Variants in PDGFRB observed in about 807,000 individuals in gnomAD.
PDGFRB encodes platelet derived growth factor receptor beta, also known as platelet-derived growth factor receptor beta.
PDGFRB carries 42 observed loss-of-function variants against 120.2 expected under a neutral mutation model. The observed-to-expected ratio is 0.35, with a 90% CI of 0.27 to 0.45. The LOEUF (loss-of-function observed/expected upper bound fraction) is 0.45, where lower values mean the gene tolerates loss of function less well. Among genes scored for constraint, PDGFRB ranks in the 20% least tolerant of loss-of-function variants. PDGFRB has a pLI of 1.00. For synonymous variants in PDGFRB, 586 were observed against 606.8 expected (o/e 0.97, Z 0.50); for missense variants, 1,149 against 1,476.3 (o/e 0.78, Z 3.63).
intron 1 of PDGFRB, among the ~76,000 whole-genome samples, chr5:150,152,696 G>A (rs1325705507): frequency 2.6e-5 from 4 of 151,380 alleles, no homozygotes; most frequent in South Asian, 2.1e-4. Flanking sequence ...GGATGGACAC[G>A]GATCTTTGGA....
chr5:150,154,703 C>T (rs1761182527), intron 1 of PDGFRB, among the ~76,000 whole-genome samples: 1 of 152,096 alleles, frequency 6.6e-6, no homozygotes. Flanking sequence ...TGCCTGGGAC[C>T]AAAGGAAATG....
chr5:150,119,368 C>G (rs1760060255), intron 20 of PDGFRB, 99 bp downstream of exon 20: 1 of 761,156 alleles, frequency 1.3e-6, no homozygotes, highest in Admixed American at 1.8e-5. Context: ...TTCTAGATCT[C>G]TGAGCTAACA....
intron 5 of PDGFRB, 22 bp downstream of exon 5, chr5:150,133,859 C>A (rs1760548988): frequency 6.2e-7 from 1 of 1,614,028 alleles, no homozygotes; most frequent in Non-Finnish European, 8.5e-7. Context: ...CCTCCTCCGA[C>A]CCCTGCCTGG....
intron 1 of PDGFRB, among the ~76,000 whole-genome samples, chr5:150,138,743 G>T (rs990675216): frequency 6.6e-6 from 1 of 152,208 alleles, no homozygotes; most frequent in African/African-American, 2.4e-5. Flanking sequence ...CAGCGCCAAG[G>T]CGGAGCCAGC....
intron 10 of PDGFRB, among the ~76,000 whole-genome samples, chr5:150,127,855 A>AC (rs1352976725): frequency 1.3e-5 from 2 of 150,690 alleles, no homozygotes; most frequent in Non-Finnish European, 3.0e-5. Context: ...AAAAAAAAAA[A>AC]AAAACTTTGG....
chr5:150,132,976 G>C lies in PDGFRB; in HGVS notation c.935-34C>G, dbSNP rs1472219075. 6 of 1,461,428 alleles carry C rather than the reference G, an allele frequency of 4.1e-6. No individual in the cohort carries two copies. In the East Asian group the frequency reaches 1.2e-4, roughly 30 times the overall value. 90.5% of individuals were successfully genotyped at this position (1,461,428 alleles called of 1,614,324 possible). A position where few individuals can be genotyped will look rare whatever the true frequency, so the allele number is the denominator to read the frequency against. On this transcript the variant is annotated intron_variant, in intron 6 of 22. Transcript: ENST00000261799. The surrounding 1 kb of genome is among the most constrained non-coding windows in gnomAD (Gnocchi z 5.0). ...GGTGACCGTCAGGGGCGGGGCCCTG[G>C]GGGCAGGGCACCAACTGAATCCCAA... is the stretch of plus-strand genomic sequence containing the variant.
chr5:150,136,971 C>A lies in PDGFRB; in HGVS notation c.40+37G>T, dbSNP rs139142234. 277 of 1,564,820 alleles carry A rather than the reference C, an allele frequency of 1.8e-4. No individual in the cohort carries two copies. The African/African-American group carries it at 3.4e-3, about 19-fold the overall frequency. On this transcript the variant is annotated intron_variant, in intron 2 of 22. Coordinates refer to ENST00000261799, the MANE Select transcript of PDGFRB (RefSeq NM_002609.4). ...CCAGCTCCAGGGTTCCACTCCGCAG[C>A]CCCCCGGGTCCCCTACCTTATCTCC...
chr5:150,117,354 C>T lies in PDGFRB; in HGVS notation c.3137+264G>A, dbSNP rs527858898. ...AGAGTATAGATAACCTCTGGGGGCT[C>T]CCTTAAAGGAAATAGCTACCTTGCA... is the stretch of plus-strand genomic sequence containing the variant. On this transcript the variant is annotated intron_variant, in intron 22 of 22. Coordinates refer to ENST00000261799, the MANE Select transcript of PDGFRB (RefSeq NM_002609.4). 2.1e-3 allele frequency among the ~76,000 whole-genome samples: 325 copies of T among 152,246 alleles called. 1 individual carries two copies. In the Middle Eastern group the frequency reaches 0.024, roughly 11 times the overall value.
chr5:150,128,742 C>T (rs945545056), intron 10 of PDGFRB, among the ~76,000 whole-genome samples: 7 of 152,226 alleles, frequency 4.6e-5, no homozygotes, highest in African/African-American at 1.4e-4. Flanking sequence ...CATAGCTGGG[C>T]ATGGGACCCC....
At chr5:150,147,986 G>A (rs991165485) in intron 1 of PDGFRB, among the ~76,000 whole-genome samples, 1 of 152,216 alleles carries the variant, frequency 6.6e-6, no homozygotes, top group African/African-American at 2.4e-5. Context: ...TCTCAGCAAA[G>A]TGATGCATGT....
intron 6 of PDGFRB, 102 bp downstream of exon 6, chr5:150,133,484 T>G: frequency 1.0e-6 from 1 of 959,116 alleles, no homozygotes; most frequent in Non-Finnish European, 1.7e-6. Context: ...CTGATCACTG[T>G]ATCAAAAATG....
intron 1 of PDGFRB, among the ~76,000 whole-genome samples, chr5:150,138,797 G>T (rs1401837569): frequency 6.6e-6 from 1 of 152,208 alleles, no homozygotes; most frequent in Non-Finnish European, 1.5e-5. Flanking sequence ...GTGCCCCTCT[G>T]GCTGCCCCCT....
At chr5:150,122,446 C>T (rs1017772273) in intron 15 of PDGFRB, among the ~76,000 whole-genome samples, 12 of 152,060 alleles carry the variant, frequency 7.9e-5, no homozygotes, top group African/African-American at 2.9e-4. Flanking sequence ...AGCTGTGGGG[C>T]TCTACACACA....
At position 150,133,039 on chromosome 5, in the gene PDGFRB, G is replaced by A. The variant is rs554242548; in HGVS notation, c.935-97C>T. 9.8e-5 allele frequency: 82 copies of A among 839,872 alleles called. 2 individuals carry two copies. The highest frequency in any genetic ancestry group is 1.5e-4 in the Non-Finnish European group (82 of 538,490). The allele number at this position is 839,872 out of a possible 1,614,324, so 52.0% of individuals were successfully genotyped here. On this transcript the variant is annotated intron_variant, in intron 6 of 22. Transcript: ENST00000261799. ...TGTGGGGTGGGGCTTCAGGCCTGGG[G>A]ACCGTGCCAGCCATGGAGTTTCCGG...
rs148754488 is a variant in PDGFRB at position 150,117,527 on chromosome 5, A to AGC, written c.3137+89_3137+90dup. 0.18 allele frequency: 96,501 copies of AGC among 548,842 alleles called. 3,809 individuals carry two copies. Among genetic ancestry groups the AGC allele is most frequent in the Middle Eastern group, 0.24 (457 of 1,942 alleles). The allele number at this position is 548,842 out of a possible 1,614,324, so 34.0% of individuals were successfully genotyped here. Reference sequence around the variant, plus strand: ...AACTTACCTCTGAGGCAAACCTGGCAGCGCGCGCGCGCGCGCGCACACACA... The same window carrying AGC: ...AACTTACCTCTGAGGCAAACCTGGCAGCGCGCGCGCGCGCGCGCGCACACACA... On this transcript the variant is annotated intron_variant, in intron 22 of 22. Transcript: ENST00000261799.
rs780755414 is a variant in PDGFRB, at chr5:150,121,358, A to G, written c.2345-36T>C. On this transcript the variant is annotated intron_variant, in intron 16 of 22. Transcript: ENST00000261799. This position sits in a 1 kb window ranked among gnomAD's most constrained non-coding sequence, Gnocchi z 4.1. ...AGCAGAGGGTCACCTGCTATCTTAT[A>G]TCTCCTTCTGGCCCACAGGACCCCT... 9.4e-6 allele frequency: 9 copies of G among 954,180 alleles called. No homozygotes were observed. In the Admixed American group the frequency reaches 1.5e-4, roughly 16 times the overall value. 59.1% of individuals were successfully genotyped at this position (954,180 alleles called of 1,614,324 possible).
intron 20 of PDGFRB, 72 bp from the exon 21 acceptor site, chr5:150,118,924 AG>A: frequency 1.1e-6 from 1 of 878,430 alleles, no homozygotes; most frequent in Non-Finnish European, 1.8e-6. Flanking sequence ...GGGGAGCAGG[AG>A]GCTGCTGCCT....
In PDGFRB at chr5:150,117,858, C is replaced by G. The variant is rs201866603; in HGVS notation, c.2905-8G>C. On this transcript the variant is annotated splice_region_variant and splice_polypyrimidine_tract_variant and intron_variant, in intron 21 of 22. Coordinates refer to ENST00000261799, the MANE Select transcript of PDGFRB (RefSeq NM_002609.4). Reference sequence around the variant, plus strand: ...ATCCACCTGCTGGTACTTCTGCTCCCGGGGCAGGGAGAACCAAAGAAACAG... The same window carrying G: ...ATCCACCTGCTGGTACTTCTGCTCCGGGGGCAGGGAGAACCAAAGAAACAG... 3 of 1,555,560 alleles carry G rather than the reference C, an allele frequency of 1.9e-6. No individual in the cohort carries two copies. Among genetic ancestry groups the G allele is most frequent in the Non-Finnish European group, 2.7e-6 (3 of 1,131,680 alleles).
Position 150,121,265 on chromosome 5 carries a change from A to C in PDGFRB, c.2402T>G (p.Met801Arg). The change falls in exon 17 of 23, where the codon ATG (methionine) becomes AGG (arginine). Residue 801 changes from methionine to arginine, a missense_variant. Physicochemically the swap from Met to Arg is moderately conservative, Grantham distance 91. Coordinates refer to ENST00000261799, the MANE Select transcript of PDGFRB (RefSeq NM_002609.4). The surrounding 1 kb of genome is among the most constrained non-coding windows in gnomAD (Gnocchi z 4.1). The part of the protein sequence containing the change: ...LINESPVLSY[M>R]DLVGFSYQVA... Reference sequence around the variant, plus strand: ...CTGGTAGCTGAAGCCCACGAGGTCCATGTAGCTTAGCACTGGAGACTCGTT... The same window carrying C: ...CTGGTAGCTGAAGCCCACGAGGTCCCTGTAGCTTAGCACTGGAGACTCGTT... 6.2e-7 allele frequency: 1 copy of C among 1,610,048 alleles called. No homozygotes were observed. Among genetic ancestry groups the C allele is most frequent in the Non-Finnish European group, 8.5e-7 (1 of 1,176,402 alleles).
Sources: gnomAD v4.1 joint callset for allele counts (sites outside exome capture counted in the v4.1 genomes callset) on GRCh38, gnomAD v4.1.1 for gene constraint, Gnocchi (gnomAD v3.1) non-coding constraint, MANE v1.5 for transcripts, NCBI Gene and HGNC (gene_info 2026-07-23, HGNC 2026-07-21) for gene names.